SLC4A4: variants seen among roughly 807,000 people sequenced by gnomAD.
SLC4A4 encodes the protein solute carrier family 4 member 4.
A neutral mutation model predicts 111.5 loss-of-function variants in SLC4A4; 27 were observed. The ratio of observed to expected loss-of-function variants is 0.24; its 90% CI spans 0.18 to 0.33. SLC4A4 has a LOEUF of 0.33. Ranked by LOEUF, SLC4A4 falls within the 10% of genes least tolerant of loss-of-function variation. SLC4A4 has a pLI of 1.00. For missense variants in SLC4A4, 909 were observed against 1,315.5 expected (o/e 0.69, Z 4.78); for synonymous variants, 443 against 463.4 (o/e 0.96, Z 0.57).
intron 2 of SLC4A4, among the ~76,000 whole-genome samples, chr4:71,129,183 C>A (rs968583497): frequency 2.6e-5 from 4 of 152,116 alleles, no homozygotes; most frequent in African/African-American, 9.7e-5. Context: ...AGACAACCTG[C>A]AGAATGGGAG....
intron 1 of SLC4A4, among the ~76,000 whole-genome samples, chr4:71,207,521 C>T (rs2579305): frequency 0.28 from 42,469 of 152,086 alleles, 9,213 homozygotes; most frequent in African/African-American, 0.58. Context: ...TTAACTTTCA[C>T]TTGTTTACAA....
intron 1 of SLC4A4, among the ~76,000 whole-genome samples, chr4:71,196,302 G>A (rs921584): frequency 0.088 from 13,349 of 152,190 alleles, 916 homozygotes; most frequent in Admixed American, 0.24. Context: ...GCAGAGACAC[G>A]CAGCTCACAC....
At chr4:71,278,057 A>G (rs1292787555) in intron 3 of SLC4A4, among the ~76,000 whole-genome samples, 1 of 152,080 alleles carries the variant, frequency 6.6e-6, no homozygotes, top group Non-Finnish European at 1.5e-5. Flanking sequence ...TATTCATCTT[A>G]TAACTGAAAG....
intron 3 of SLC4A4, among the ~76,000 whole-genome samples, chr4:71,317,931 T>C (rs977774061): frequency 6.6e-6 from 1 of 152,110 alleles, no homozygotes. Context: ...TAATAAGCGC[T>C]ATTTATTAAT....
intron 16 of SLC4A4, among the ~76,000 whole-genome samples, chr4:71,501,013 A>G (rs2149157688): frequency 6.6e-6 from 1 of 152,316 alleles, no homozygotes; most frequent in South Asian, 2.1e-4. Flanking sequence ...GAATTTGGAT[A>G]GGGTTTGCTT....
At chr4:71,435,785 T>C (rs1226464938) in intron 7 of SLC4A4, among the ~76,000 whole-genome samples, 1 of 152,218 alleles carries the variant, frequency 6.6e-6, no homozygotes, top group African/African-American at 2.4e-5. Context: ...AAGACATTTA[T>C]GCGGCCAACA....
At chr4:71,525,865 A>G (rs1453910193) in intron 16 of SLC4A4, among the ~76,000 whole-genome samples, 1 of 152,122 alleles carries the variant, frequency 6.6e-6, no homozygotes, top group Non-Finnish European at 1.5e-5. Context: ...ATCAAGTTTG[A>G]TGAAATGAAA....
At chr4:71,524,945 T>A (rs1390598551) in intron 16 of SLC4A4, among the ~76,000 whole-genome samples, 2 of 152,116 alleles carry the variant, frequency 1.3e-5, no homozygotes, top group Non-Finnish European at 2.9e-5. Context: ...TGTAGACTCA[T>A]GGCCCTTTCC....
intron 1 of SLC4A4, among the ~76,000 whole-genome samples, chr4:71,227,591 G>C (rs1187426550): frequency 6.6e-6 from 1 of 152,116 alleles, no homozygotes; most frequent in Non-Finnish European, 1.5e-5. Flanking sequence ...TTGTCCTGTG[G>C]GGTATCATCC....
At chr4:71,508,834 G>A (rs1731648538) in intron 16 of SLC4A4, among the ~76,000 whole-genome samples, 1 of 152,176 alleles carries the variant, frequency 6.6e-6, no homozygotes, top group African/African-American at 2.4e-5. Flanking sequence ...TATCCTTGAT[G>A]AACATTGATG....
At chr4:71,336,837 G>A (rs950060483) in intron 3 of SLC4A4, among the ~76,000 whole-genome samples, 7 of 152,164 alleles carry the variant, frequency 4.6e-5, no homozygotes, top group African/African-American at 1.7e-4. Context: ...TGGCAGCATC[G>A]TTTACATTCC....
intron 18 of SLC4A4, among the ~76,000 whole-genome samples, chr4:71,536,482 A>ATATATATATATATATATATG: frequency 9.6e-6 from 1 of 103,920 alleles, no homozygotes; most frequent in African/African-American, 3.3e-5. Flanking sequence ...ATATATATAT[A>ATATATATATATATATATATG]TATATGTATA....
intron 2 of SLC4A4, among the ~76,000 whole-genome samples, chr4:71,174,394 GT>G (rs1745027138): frequency 6.6e-6 from 1 of 151,870 alleles, no homozygotes; most frequent in Non-Finnish European, 1.5e-5. Flanking sequence ...GTATTAACAG[GT>G]GTGCACCACT....
upstream of SLC4A4, among the ~76,000 whole-genome samples, chr4:71,186,603 G>A (rs1745458614): frequency 6.6e-6 from 1 of 151,586 alleles, no homozygotes; most frequent in Non-Finnish European, 1.5e-5. Context: ...GGCGGAGGCG[G>A]CGCGGCTCGA....
At chr4:71,428,620 G>T (rs186633381) in intron 7 of SLC4A4, among the ~76,000 whole-genome samples, 13 of 152,078 alleles carry the variant, frequency 8.5e-5, no homozygotes, top group Admixed American at 7.9e-4. Flanking sequence ...ATGGAAGGGT[G>T]GGGGACAGGA....
intron 2 of SLC4A4, among the ~76,000 whole-genome samples, chr4:71,133,335 T>A (rs1743758476): frequency 6.6e-6 from 1 of 152,332 alleles, no homozygotes; most frequent in East Asian, 1.9e-4. Flanking sequence ...CAACAATCAT[T>A]TGTTTGCTTA....
At chr4:71,298,860 A>G (rs1322104446) in intron 3 of SLC4A4, among the ~76,000 whole-genome samples, 1 of 152,046 alleles carries the variant, frequency 6.6e-6, no homozygotes, top group Non-Finnish European at 1.5e-5. Flanking sequence ...CATTTCATTG[A>G]TTGGCTCTAT....
chr4:71,419,595 T>C (rs1246488038), intron 7 of SLC4A4, among the ~76,000 whole-genome samples: 1 of 152,236 alleles, frequency 6.6e-6, no homozygotes, highest in Non-Finnish European at 1.5e-5. Flanking sequence ...AGGTGCTGTC[T>C]GTCACTCCTT....
intron 3 of SLC4A4, among the ~76,000 whole-genome samples, chr4:71,262,567 T>C (rs1376512807): frequency 2.0e-5 from 3 of 152,206 alleles, no homozygotes; most frequent in Non-Finnish European, 4.4e-5. Flanking sequence ...CACTGAGCGC[T>C]GTTGGTTTTT....
Sources: gnomAD v4.1 joint callset for allele counts (sites outside exome capture counted in the v4.1 genomes callset) on GRCh38, gnomAD v4.1.1 for gene constraint, MANE v1.5 for transcripts, NCBI Gene and HGNC (gene_info 2026-07-23, HGNC 2026-07-21) for gene names.